DNAH8: variants seen among roughly 807,000 people sequenced by gnomAD.
The protein encoded by DNAH8 is dynein axonemal heavy chain 8.
In DNAH8, 382 loss-of-function variants were observed where a neutral mutation model predicts 562.1. That is an observed-to-expected ratio of 0.68 (90% CI 0.63 to 0.74). The LOEUF (loss-of-function observed/expected upper bound fraction) is 0.74. Ranked by LOEUF, DNAH8 falls within the 30% of genes least tolerant of loss-of-function variation. The pLI is 0.00. For synonymous variants in DNAH8, 1,881 were observed against 1,919.4 expected, an observed-to-expected ratio of 0.98 and a Z score of 0.52; for missense variants, 5,203 against 5,620.4, an observed-to-expected ratio of 0.93 and a Z score of 2.37.
At chr6:38,982,771 T>C (rs1242271631) in intron 86 of DNAH8, among the ~76,000 whole-genome samples, 1 of 152,252 alleles carries the variant, frequency 6.6e-6, no homozygotes, top group African/African-American at 2.4e-5. Flanking sequence ...CTGGTCCTAC[T>C]CCTGCCTCCT....
At chr6:38,904,458 C>A (rs1459018147) in intron 62 of DNAH8, among the ~76,000 whole-genome samples, 5 of 152,024 alleles carry the variant, frequency 3.3e-5, no homozygotes, top group Admixed American at 6.6e-5. Flanking sequence ...AGGAGGAAAT[C>A]CAGAGTGGTT....
chr6:38,799,334 C>T lies in DNAH8; in HGVS notation c.2902-3845C>T, dbSNP rs77486812. 3.9e-3 allele frequency among the ~76,000 whole-genome samples: 589 copies of T among 152,166 alleles called. 9 individuals carry two copies. Among genetic ancestry groups the T allele is most frequent in the African/African-American group, 0.014 (569 of 41,504 alleles). ...TTGATTCCATGCCTACCTGTCTTCT[C>T]GGTGACCTTGTTCCGCCAGTTTTCC... On this transcript the variant is annotated intron_variant, in intron 21 of 92. Coordinates refer to ENST00000327475, the MANE Select transcript of DNAH8 (RefSeq NM_001206927.2).
intron 91 of DNAH8, among the ~76,000 whole-genome samples, chr6:39,013,471 A>G (rs1766362415): frequency 6.6e-6 from 1 of 152,218 alleles, no homozygotes; most frequent in Non-Finnish European, 1.5e-5. Flanking sequence ...GTATGGTTCC[A>G]TTTATACAAA....
intron 49 of DNAH8, 99 bp downstream of exon 49, chr6:38,870,661 T>A (rs1404840866): frequency 1.6e-6 from 2 of 1,218,190 alleles, no homozygotes; most frequent in East Asian, 2.5e-5. Flanking sequence ...TTGATGTAAA[T>A]GTTAAATGAA....
chr6:38,843,465 G>A (rs1392767967), intron 35 of DNAH8, among the ~76,000 whole-genome samples: 5 of 151,200 alleles, frequency 3.3e-5, no homozygotes, highest in Non-Finnish European at 2.9e-5. Flanking sequence ...ATTTATAGAT[G>A]TCTTCGCTTA....
At chr6:38,727,570 C>A (rs529819792) in intron 3 of DNAH8, among the ~76,000 whole-genome samples, 8 of 152,228 alleles carry the variant, frequency 5.3e-5, no homozygotes, top group Admixed American at 5.2e-4. Flanking sequence ...TGGGGGATCA[C>A]GGTTCTCCGT....
intron 85 of DNAH8, among the ~76,000 whole-genome samples, chr6:38,980,398 C>A (rs1763948618): frequency 6.6e-6 from 1 of 152,098 alleles, no homozygotes; most frequent in Non-Finnish European, 1.5e-5. Flanking sequence ...TGTTAGGGAC[C>A]AAGGCTCCCA....
chr6:38,766,476 T>C (rs1473669334), intron 11 of DNAH8, among the ~76,000 whole-genome samples: 1 of 152,152 alleles, frequency 6.6e-6, no homozygotes, highest in African/African-American at 2.4e-5. Context: ...ATGACTATAG[T>C]ACACAATACT....
At chr6:38,774,895 T>G (rs541617222) in intron 12 of DNAH8, among the ~76,000 whole-genome samples, 1 of 152,200 alleles carries the variant, frequency 6.6e-6, no homozygotes, top group South Asian at 2.1e-4. Context: ...ATGATAATGG[T>G]TTTTGGAAGT....
At chr6:38,990,677 A>G (rs1488723883) in intron 88 of DNAH8, among the ~76,000 whole-genome samples, 1 of 152,164 alleles carries the variant, frequency 6.6e-6, no homozygotes, top group Non-Finnish European at 1.5e-5. Flanking sequence ...TGGTGGGTGC[A>G]GTGCGGTGAG....
chr6:38,863,333 G>C (rs1301593657), intron 44 of DNAH8, among the ~76,000 whole-genome samples: 1 of 91,384 alleles, frequency 1.1e-5, no homozygotes. Context: ...AGGAGGCTGA[G>C]CTAGAATTGC....
Position 38,866,665 on chromosome 6 carries a change from T to A in DNAH8, c.6573T>A (p.Val2191=). The A allele has an allele frequency of 1.9e-6, 3 of 1,612,636 alleles. No individual in the cohort carries two copies. The South Asian group carries it at 3.3e-5, about 18-fold the overall frequency. ...AGTTTAGAACTGTTGCTATGATGGT[T>A]CCTGATAGACAGGTATGCACTAGGA... ...KIQFRTVAMM[V]PDRQIIMRVK... The change falls in exon 46 of 93, where the codon GTT becomes GTA. Residue 2191 remains valine, a synonymous_variant. Coordinates refer to ENST00000327475, the MANE Select transcript of DNAH8 (RefSeq NM_001206927.2).
intron 8 of DNAH8, among the ~76,000 whole-genome samples, chr6:38,742,330 G>C (rs374526897): frequency 6.6e-6 from 1 of 151,874 alleles, no homozygotes; most frequent in Non-Finnish European, 1.5e-5. Flanking sequence ...ACAGGGTCTC[G>C]TTCTGTCACT....
At chr6:38,762,177 A>G (rs540532964) in intron 11 of DNAH8, among the ~76,000 whole-genome samples, 2 of 152,284 alleles carry the variant, frequency 1.3e-5, no homozygotes, top group South Asian at 4.1e-4. Flanking sequence ...CCTGGTTTAG[A>G]AGACAATGTT....
intron 23 of DNAH8, among the ~76,000 whole-genome samples, chr6:38,805,974 C>T (rs1285171673): frequency 6.6e-6 from 1 of 152,174 alleles, no homozygotes; most frequent in Non-Finnish European, 1.5e-5. Flanking sequence ...GATTGTGGTT[C>T]ACTTGGGGCT....
intron 1 of DNAH8, among the ~76,000 whole-genome samples, chr6:38,720,121 A>T (rs950739589): frequency 2.0e-5 from 3 of 152,192 alleles, no homozygotes; most frequent in African/African-American, 7.2e-5. Context: ...TCCCAGTCTT[A>T]CGGTTTCTCT....
intron 4 of DNAH8, among the ~76,000 whole-genome samples, chr6:38,731,098 C>T (rs1284986866): frequency 4.6e-5 from 7 of 152,130 alleles, no homozygotes; most frequent in Admixed American, 6.5e-5. Flanking sequence ...TATGTAAACT[C>T]GCAAATAGTG....
Position 39,012,521 on chromosome 6 carries a change from C to T in DNAH8, c.13598C>T (p.Ser4533Leu), listed in dbSNP as rs765766734. 6 of 1,613,958 alleles carry T rather than the reference C, an allele frequency of 3.7e-6. No homozygotes were observed. The highest frequency in any genetic ancestry group is 1.1e-5 in the South Asian group (1 of 91,070). The stretch of plus-strand genomic sequence containing the variant: ...CTCTGGAAAAGAGTGTCTTGGGATT[C>T]GTCCACACTGGGCTTCTGGTTCACT... ...PQLWKRVSWD[S>L]STLGFWFTEL... is the part of the protein sequence containing the mutation. Residue 4533 changes from serine to leucine, a missense_variant, in exon 91 of 93, where the codon TCG becomes TTG. This residue lies in a region of DNAH8 where 1,399 missense variants were observed against 1,518.4 expected (regional missense o/e 0.92). Coordinates refer to ENST00000327475, the MANE Select transcript of DNAH8 (RefSeq NM_001206927.2).
chr6:38,907,108 T>C (rs1780537391), intron 63 of DNAH8, among the ~76,000 whole-genome samples: 2 of 152,194 alleles, frequency 1.3e-5, no homozygotes, highest in Admixed American at 1.3e-4. Flanking sequence ...ATGGCTGAGA[T>C]TTATTGTGGC....
Sources: allele counts gnomAD v4.1 joint callset (sites outside exome capture counted in the v4.1 genomes callset), GRCh38; gene constraint gnomAD v4.1.1; regional missense constraint gnomAD v4.1.1; transcripts MANE v1.5; gene names NCBI Gene and HGNC (gene_info 2026-07-23, HGNC 2026-07-21).